The following EDARADD variants were observed in gnomAD, a reference collection of about 807,000 sequenced individuals.
EDARADD encodes the protein EDAR associated via death domain.
EDARADD carries 20 observed loss-of-function variants against 25.6 expected under a neutral mutation model. The ratio of observed to expected loss-of-function variants is 0.78; its 90% confidence interval spans 0.55 to 1.14. The LOEUF is 1.14. Ranked by LOEUF, EDARADD falls within the 50% of genes most tolerant of loss-of-function variation. The pLI, the probability that EDARADD is intolerant of heterozygous loss-of-function variation, is 0.00. For missense variants in EDARADD, 225 were observed against 270.1 expected, an observed-to-expected ratio of 0.83 and a Z score of 1.17; for synonymous variants, 86 against 94.4, an observed-to-expected ratio of 0.91 and a Z score of 0.52.
chr1:236,460,942 C>G (rs868351001), intron 4 of EDARADD, among the ~76,000 whole-genome samples: 2 of 152,096 alleles, frequency 1.3e-5, no homozygotes, highest in Non-Finnish European at 2.9e-5. Flanking sequence ...CTGCCTCAGC[C>G]TCCAGAATAG....
At chr1:236,349,892 G>A (rs657737) in intron 2 of EDARADD, among the ~76,000 whole-genome samples, 52,804 of 152,004 alleles carry the variant, frequency 0.35, 9,471 homozygotes, top group African/African-American at 0.44. Context: ...CAGGCAGATC[G>A]CCTGAGGTCA....
chr1:236,472,232 C>A (rs1659377934), intron 5 of EDARADD, among the ~76,000 whole-genome samples: 1 of 152,134 alleles, frequency 6.6e-6, no homozygotes, highest in Non-Finnish European at 1.5e-5. Flanking sequence ...CATGGTATCT[C>A]TCAAAGAGAA....
At chr1:236,387,034 T>C (rs1470297703) in intron 3 of EDARADD, among the ~76,000 whole-genome samples, 1 of 38,144 alleles carries the variant, frequency 2.6e-5, no homozygotes, top group African/African-American at 8.4e-5. Context: ...AGCCGCCCCA[T>C]CCGGGAGGGA....
intron 2 of EDARADD, among the ~76,000 whole-genome samples, chr1:236,350,302 G>A (rs1225586368): frequency 6.6e-6 from 1 of 152,082 alleles, no homozygotes; most frequent in African/African-American, 2.4e-5. Flanking sequence ...GATATATAGG[G>A]TCAAATAAAA....
In EDARADD at chr1:236,484,230, G is replaced by A; in HGVS notation, c.*1581G>A. On this transcript the variant is annotated 3_prime_UTR_variant, in exon 6 of 6. Coordinates refer to ENST00000334232, the MANE Select transcript of EDARADD (RefSeq NM_145861.4). The surrounding 1 kb of genome is among the most constrained non-coding windows in gnomAD (Gnocchi z 4.1). Reference sequence around the variant, plus strand: ...TCGCTCTGTGACTGAGTCCCTTCAGGCGTGCAAGCTGGCCCAGGCCAATGG... The same window carrying A: ...TCGCTCTGTGACTGAGTCCCTTCAGACGTGCAAGCTGGCCCAGGCCAATGG... 3.1e-6 allele frequency: 3 copies of A among 977,190 alleles called. No homozygotes were observed. In the South Asian group the frequency reaches 3.8e-5, roughly 12 times the overall value. 60.5% of individuals were successfully genotyped at this position (977,190 alleles called of 1,614,324 possible). A position where few individuals can be genotyped will look rare whatever the true frequency, so the allele number is the denominator to read the frequency against.
At chr1:236,438,348 A>G (rs1183389508) in intron 4 of EDARADD, among the ~76,000 whole-genome samples, 3 of 152,230 alleles carry the variant, frequency 2.0e-5, no homozygotes, top group Middle Eastern at 3.2e-3. Flanking sequence ...GAACCTTACA[A>G]TAATAATAAC....
chr1:236,445,389 G>C (rs973521303), intron 4 of EDARADD, among the ~76,000 whole-genome samples: 1 of 151,830 alleles, frequency 6.6e-6, no homozygotes, highest in African/African-American at 2.4e-5. Flanking sequence ...CACCACGCCC[G>C]GCTGATTTTT....
intron 5 of EDARADD, among the ~76,000 whole-genome samples, chr1:236,477,878 A>C (rs1364175350): frequency 6.6e-6 from 1 of 152,114 alleles, no homozygotes; most frequent in Non-Finnish European, 1.5e-5. Flanking sequence ...TGAGGCGGGC[A>C]GATCACTTGA....
rs1011839787 is a variant in EDARADD at position 236,398,375 on chromosome 1, G to T, written c.61+3870G>T. ...GCCTCCCAGAGTGCTGGGATTACTG[G>T]TGTGAACCACTGTGCCCAGCCAGTC... On this transcript the variant is annotated intron_variant, in intron 1 of 5. Transcript: ENST00000334232. The surrounding 1 kb of genome is among the most constrained non-coding windows in gnomAD (Gnocchi z 4.1). Among the ~76,000 whole-genome samples the T allele has an allele frequency of 6.6e-6, 1 of 152,166 alleles. No individual in the cohort carries two copies. The highest frequency in any genetic ancestry group is 2.4e-5 in the African/African-American group (1 of 41,434).
At chr1:236,436,610 G>C (rs1295161755) in intron 4 of EDARADD, among the ~76,000 whole-genome samples, 2 of 118,652 alleles carry the variant, frequency 1.7e-5, no homozygotes, top group Non-Finnish European at 3.3e-5. Flanking sequence ...ATGGGTGACA[G>C]AGCAAGATCT....
intron 3 of EDARADD, among the ~76,000 whole-genome samples, chr1:236,422,179 C>T (rs982270063): frequency 4.6e-5 from 7 of 152,168 alleles, no homozygotes; most frequent in Non-Finnish European, 1.0e-4. Context: ...GCCTCTCAAT[C>T]GAACCTGCTG....
At chr1:236,440,000 C>G (rs990416213) in intron 4 of EDARADD, among the ~76,000 whole-genome samples, 3 of 152,114 alleles carry the variant, frequency 2.0e-5, no homozygotes, top group African/African-American at 7.2e-5. Context: ...AGGTCTGTGA[C>G]CCATTTTGAG....
chr1:236,391,232 T>C (rs1335507853), upstream of EDARADD, among the ~76,000 whole-genome samples: 1 of 152,188 alleles, frequency 6.6e-6, no homozygotes, highest in African/African-American at 2.4e-5. Flanking sequence ...TTCCAGCCCC[T>C]GGACTCAGGA....
chr1:236,418,989 C>T (rs1657712534), intron 3 of EDARADD, among the ~76,000 whole-genome samples: 1 of 152,184 alleles, frequency 6.6e-6, no homozygotes, highest in South Asian at 2.1e-4. Flanking sequence ...CCCTCCCAGT[C>T]ATGGCAAGAA....
At chr1:236,361,543 T>C (rs977676169) in intron 3 of EDARADD, among the ~76,000 whole-genome samples, 14 of 151,330 alleles carry the variant, frequency 9.3e-5, no homozygotes, top group African/African-American at 3.4e-4. Context: ...TTGGCCAGGC[T>C]GGTCTCGAAC....
intron 4 of EDARADD, among the ~76,000 whole-genome samples, chr1:236,464,450 T>TTTTG (rs1659132897): frequency 1.5e-5 from 2 of 136,074 alleles, no homozygotes; most frequent in African/African-American, 3.1e-5. Flanking sequence ...TTTTTTTTTT[T>TTTTG]GAGACAGAAT....
At chr1:236,374,762 T>G (rs1206197121) in intron 3 of EDARADD, among the ~76,000 whole-genome samples, 2 of 151,900 alleles carry the variant, frequency 1.3e-5, no homozygotes, top group African/African-American at 2.4e-5. Context: ...GGTATGTATC[T>G]CTCTAATTTT....
At chr1:236,468,678 A>G (rs1659282464) in intron 5 of EDARADD, among the ~76,000 whole-genome samples, 1 of 152,192 alleles carries the variant, frequency 6.6e-6, no homozygotes, top group African/African-American at 2.4e-5. Context: ...TAACTTTAAA[A>G]TCTGTACTGC....
chr1:236,433,792 C>G (rs566474252), intron 4 of EDARADD, among the ~76,000 whole-genome samples: 1 of 151,864 alleles, frequency 6.6e-6, no homozygotes. Flanking sequence ...ATTGCTTGAA[C>G]CCAGGAGGCA....
Sources: allele counts gnomAD v4.1 joint callset (sites outside exome capture counted in the v4.1 genomes callset), GRCh38; gene constraint gnomAD v4.1.1; non-coding constraint Gnocchi (gnomAD v3.1); transcripts MANE v1.5; gene names NCBI Gene and HGNC (gene_info 2026-07-23, HGNC 2026-07-21).